Variants in EIF3I observed in about 807,000 individuals in gnomAD.
The protein encoded by EIF3I is eukaryotic translation initiation factor 3 subunit I, also known as TGF-beta receptor-interacting protein 1.
EIF3I carries 20 observed loss-of-function variants against 43.3 expected under a neutral mutation model. The observed-to-expected ratio is 0.46, with a 90% confidence interval of 0.32 to 0.67. The LOEUF is 0.67. EIF3I is among the 30% of genes least tolerant of loss of function. The pLI is 0.03. For synonymous variants in EIF3I, 167 were observed against 151.7 expected (o/e 1.10, Z -0.74); for missense variants, 279 against 421.4 (o/e 0.66, Z 2.96).
chr1:32,231,528 C>T (rs1046813656), downstream of EIF3I: 1 of 214,414 alleles, frequency 4.7e-6, no homozygotes. Context: ...TCCAACCAGG[C>T]CAGAGAAGAT....
At chr1:32,226,671 A>G in intron 6 of EIF3I, 141 bp downstream of exon 6, 1 of 931,786 alleles carries the variant, frequency 1.1e-6, no homozygotes, top group South Asian at 3.3e-5. Flanking sequence ...GGTTCAAGCA[A>G]TTCCCCTGCC....
At chr1:32,225,772 C>T (rs1390822131) in intron 4 of EIF3I, among the ~76,000 whole-genome samples, 1 of 151,846 alleles carries the variant, frequency 6.6e-6, no homozygotes, top group Non-Finnish European at 1.5e-5. Context: ...CCTGTAATCC[C>T]AGCACTTTGG....
rs999675418 is a variant in EIF3I at position 32,226,057 on chromosome 1, T to C, written c.251-114T>C. ...AAAAAAAGAAAAGTTAAAATACTTTTTAAGTTTGGGTCACTGGAGCAAGAC... is the reference window on the plus strand; with the variant it reads ...AAAAAAAGAAAAGTTAAAATACTTTCTAAGTTTGGGTCACTGGAGCAAGAC... On this transcript the variant is annotated intron_variant, in intron 4 of 11. Coordinates refer to ENST00000676679, the Ensembl canonical transcript of EIF3I. The C allele has an allele frequency of 1.8e-5, 24 of 1,364,856 alleles. No homozygotes were observed. In the Admixed American group the frequency reaches 2.8e-4, roughly 16 times the overall value. 84.5% of individuals were successfully genotyped at this position (1,364,856 alleles called of 1,614,324 possible).
chr1:32,228,564 G>C (rs996497270), exon 7 of EIF3I: 6 of 1,614,166 alleles, frequency 3.7e-6, no homozygotes, highest in Non-Finnish European at 5.1e-6. Flanking sequence ...AGTTATCCAG[G>C]GACATGACCA....
downstream of EIF3I, among the ~76,000 whole-genome samples, chr1:32,232,857 C>G (rs1387922298): frequency 6.6e-6 from 1 of 152,134 alleles, no homozygotes; most frequent in Non-Finnish European, 1.5e-5. Context: ...ATAACTAAAT[C>G]TGATCTTCAC....
At chr1:32,222,779 A>G (rs1166853389) in intron 2 of EIF3I, 149 bp downstream of exon 2, 16 of 776,722 alleles carry the variant, frequency 2.1e-5, no homozygotes, top group Non-Finnish European at 3.4e-5. Flanking sequence ...GGTTGGCGAA[A>G]GTATTCTACC....
downstream of EIF3I, chr1:32,231,675 C>CT (rs1639239647): frequency 5.9e-6 from 1 of 169,622 alleles, no homozygotes; most frequent in South Asian, 1.4e-4. Flanking sequence ...ATCATGGAGA[C>CT]TTTTATTATT....
intron 8 of EIF3I, 141 bp downstream of exon 8, chr1:32,228,957 G>A: frequency 9.5e-7 from 1 of 1,056,592 alleles, no homozygotes; most frequent in South Asian, 1.5e-5. Flanking sequence ...GACAAAGCTG[G>A]AAGGATTGAA....
rs1318964013 is a variant in EIF3I at position 32,222,449 on chromosome 1, G to A, written c.3+5G>A. 6.2e-6 allele frequency: 10 copies of A among 1,602,950 alleles called. No homozygotes were observed. The East Asian group carries it at 2.0e-4, about 32-fold the overall frequency. On this transcript the variant is annotated splice_donor_5th_base_variant and intron_variant, in intron 1 of 11. Transcript: ENST00000676679. ...CCTCGCGTCACAGCCGGGATGGTGA[G>A]TTTCAGAGTTAGGGGTATTGCAGTG...
chr1:32,226,082 C>A (rs1233041960), intron 4 of EIF3I, 89 bp from the exon 5 acceptor site: 27 of 1,494,444 alleles, frequency 1.8e-5, no homozygotes, highest in African/African-American at 4.2e-5. Flanking sequence ...TGGAGCAAGA[C>A]AAACAGTGAG....
downstream of EIF3I, among the ~76,000 whole-genome samples, chr1:32,233,452 C>A (rs1639264618): frequency 1.3e-5 from 2 of 152,038 alleles, no homozygotes. Flanking sequence ...CCGTGCCAGG[C>A]CTAATTTTTT....
At chr1:32,228,375 T>C in intron 6 of EIF3I, 124 bp from the exon 7 acceptor site, 1 of 727,408 alleles carries the variant, frequency 1.4e-6, no homozygotes, top group African/African-American at 1.7e-5. Flanking sequence ...ACTGATAGGA[T>C]AGAGGGGGTG....
intron 2 of EIF3I, among the ~76,000 whole-genome samples, chr1:32,223,281 C>T (rs985194828): frequency 2.6e-5 from 4 of 152,092 alleles, no homozygotes; most frequent in Non-Finnish European, 5.9e-5. Flanking sequence ...GGCACCTGGC[C>T]ATTTTATTTT....
chr1:32,227,590 T>C (rs1411812197), intron 6 of EIF3I, among the ~76,000 whole-genome samples: 2 of 151,906 alleles, frequency 1.3e-5, no homozygotes, highest in African/African-American at 4.8e-5. Context: ...CTGGGCAATA[T>C]AGGAAGACCC....
intron 2 of EIF3I, 28 bp from the exon 3 acceptor site, chr1:32,224,006 G>A (rs1025748762): frequency 3.7e-6 from 6 of 1,610,268 alleles, no homozygotes; most frequent in Non-Finnish European, 4.2e-6. Context: ...ACTGGGATGT[G>A]TACTATCCTG....
chr1:32,222,521 C>T lies in EIF3I; in HGVS notation c.4-17C>T, dbSNP rs377033669. ...GGCCCAATTCCGAGCACTGACGTTA[C>T]TGTCTTGTCCCCACAGAAGCCGATC... is the stretch of plus-strand genomic sequence containing the variant. On this transcript the variant is annotated splice_polypyrimidine_tract_variant and intron_variant, in intron 1 of 11. Transcript: ENST00000676679. The T allele has an allele frequency of 1.9e-6, 3 of 1,613,980 alleles. No individual in the cohort carries two copies. The highest frequency in any genetic ancestry group is 2.5e-6 in the Non-Finnish European group (3 of 1,179,952).
chr1:32,223,925 G>C (rs1639089808), intron 2 of EIF3I, 109 bp from the exon 3 acceptor site: 2 of 920,964 alleles, frequency 2.2e-6, no homozygotes, highest in Admixed American at 3.8e-5. Context: ...GAAATAAACA[G>C]AAGAGGGCAG....
At chr1:32,228,361 G>A (rs1639180438) in intron 6 of EIF3I, 138 bp from the exon 7 acceptor site, 1 of 671,410 alleles carries the variant, frequency 1.5e-6, no homozygotes, top group African/African-American at 1.8e-5. Flanking sequence ...GATATTTAGG[G>A]GTGACTGATA....
At chr1:32,231,007 C>T in exon 11 of EIF3I, 1 of 1,612,844 alleles carries the variant, frequency 6.2e-7, no homozygotes, top group Non-Finnish European at 8.5e-7. Flanking sequence ...GCCTTCCATC[C>T]TGATGGCAAG....
Sources: allele counts gnomAD v4.1 joint callset (sites outside exome capture counted in the v4.1 genomes callset), GRCh38; gene constraint gnomAD v4.1.1; transcripts MANE v1.5; gene names NCBI Gene and HGNC (gene_info 2026-07-23, HGNC 2026-07-21).